The following SOCS2 variants were observed in gnomAD, a reference collection of about 807,000 sequenced individuals.
SOCS2 encodes suppressor of cytokine signaling 2.
In SOCS2, 10 loss-of-function variants were observed where a neutral mutation model predicts 18.6. The observed-to-expected ratio is 0.54, with a 90% CI of 0.33 to 0.91. The LOEUF (loss-of-function observed/expected upper bound fraction) is 0.91, where lower values mean the gene tolerates loss of function less well. Among genes scored for constraint, SOCS2 ranks in the 40% least tolerant of loss-of-function variants. SOCS2 has a pLI of 0.02. For missense variants in SOCS2, 231 were observed against 247.2 expected, an observed-to-expected ratio of 0.93 and a Z score of 0.44; for synonymous variants, 104 against 104.0, an observed-to-expected ratio of 1.00 and a Z score of 0.00.
At chr12:93,590,776 T>A in the SOCS2 span, among the ~76,000 whole-genome samples, 1 of 74,990 alleles carries the variant, frequency 1.3e-5, no homozygotes, top group Non-Finnish European at 2.2e-5. Flanking sequence ...AGAGCAAGAC[T>A]CCGCCTCAAA....
chr12:93,595,160 C>T, the SOCS2 span, among the ~76,000 whole-genome samples: 11 of 152,016 alleles, frequency 7.2e-5, no homozygotes, highest in Non-Finnish European at 8.8e-5. Context: ...GAGTCTTACT[C>T]GTTACTGAAA....
the SOCS2 span, among the ~76,000 whole-genome samples, chr12:93,592,581 C>T: frequency 6.6e-6 from 1 of 152,166 alleles, no homozygotes; most frequent in African/African-American, 2.4e-5. Context: ...ATCACATTCC[C>T]AAAAGGTTGT....
the SOCS2 span, among the ~76,000 whole-genome samples, chr12:93,618,393 A>C: frequency 3.3e-5 from 5 of 152,118 alleles, no homozygotes; most frequent in Non-Finnish European, 5.9e-5. Flanking sequence ...CCTTTCCCCC[A>C]GGCCTCCCAC....
At chr12:93,572,492 T>C (rs1295123221), upstream of SOCS2, 4 of 374,378 alleles carry the variant, frequency 1.1e-5, no homozygotes, top group African/African-American at 8.4e-5. This position sits in a 1 kb window ranked among gnomAD's most constrained non-coding sequence, Gnocchi z 5.0. Flanking sequence ...CAGCCAACTT[T>C]ATCTTGGATC....
chr12:93,572,619 C>T (rs150978475), upstream of SOCS2: 9 of 651,616 alleles, frequency 1.4e-5, no homozygotes, highest in African/African-American at 1.6e-4. The surrounding 1 kb of genome is among the most constrained non-coding windows in gnomAD (Gnocchi z 5.0). Context: ...CGTCTATTTC[C>T]CCACCCCCAC....
chr12:93,599,388 C>G, the SOCS2 span, among the ~76,000 whole-genome samples: 30 of 152,034 alleles, frequency 2.0e-4, 1 homozygote, highest in Non-Finnish European at 3.7e-4. Flanking sequence ...TCTTGAATTC[C>G]TGGCCTCAAG....
At chr12:93,614,289 A>G in the SOCS2 span, among the ~76,000 whole-genome samples, 3 of 152,190 alleles carry the variant, frequency 2.0e-5, no homozygotes, top group Non-Finnish European at 2.9e-5. Flanking sequence ...AATTTACACC[A>G]TTAGGAATAA....
chr12:93,604,884 C>T, the SOCS2 span, among the ~76,000 whole-genome samples: 1 of 151,776 alleles, frequency 6.6e-6, no homozygotes, highest in Non-Finnish European at 1.5e-5. Context: ...TGGTGTCAAA[C>T]TCCTGGTTTC....
the SOCS2 span, among the ~76,000 whole-genome samples, chr12:93,590,250 T>G: frequency 6.6e-6 from 1 of 151,024 alleles, no homozygotes; most frequent in Non-Finnish European, 1.5e-5. Flanking sequence ...AAAAAAAGAA[T>G]AAGCAAGTAC....
At chr12:93,600,311 T>G in the SOCS2 span, among the ~76,000 whole-genome samples, 1 of 152,190 alleles carries the variant, frequency 6.6e-6, no homozygotes, top group Non-Finnish European at 1.5e-5. Context: ...TGGGTCTGTT[T>G]ATGAGCTCAC....
the SOCS2 span, among the ~76,000 whole-genome samples, chr12:93,597,008 A>T: frequency 1.3e-5 from 2 of 152,314 alleles, no homozygotes; most frequent in East Asian, 3.9e-4. Flanking sequence ...TAAAAATTTC[A>T]AAAGAATTAT....
chr12:93,608,180 T>TC, the SOCS2 span, among the ~76,000 whole-genome samples: 1 of 151,374 alleles, frequency 6.6e-6, no homozygotes, highest in African/African-American at 2.4e-5. Flanking sequence ...GTTTTTTTTT[T>TC]GGTAATGACA....
At chr12:93,606,313 A>G in the SOCS2 span, among the ~76,000 whole-genome samples, 22 of 152,290 alleles carry the variant, frequency 1.4e-4, no homozygotes, top group African/African-American at 4.8e-4. Context: ...GGGCCACTAG[A>G]AGTGCCACAA....
downstream of SOCS2, among the ~76,000 whole-genome samples, chr12:93,580,764 G>T (rs1285575883): frequency 6.6e-6 from 1 of 151,920 alleles, no homozygotes; most frequent in African/African-American, 2.4e-5. Context: ...AGCATAGCTT[G>T]TTTCTCTTCA....
At chr12:93,590,790 A>T in the SOCS2 span, among the ~76,000 whole-genome samples, 1 of 72,990 alleles carries the variant, frequency 1.4e-5, no homozygotes, top group African/African-American at 5.3e-5. Context: ...CCTCAAAAAA[A>T]AAAAAAAAAA....
the SOCS2 span, among the ~76,000 whole-genome samples, chr12:93,614,480 T>TTCCC: frequency 6.0e-3 from 157 of 26,154 alleles, 12 homozygotes; most frequent in Middle Eastern, 0.022. Flanking sequence ...CCTTCCTTCC[T>TTCCC]TTCCTTCCTT....
chr12:93,603,217 A>C, the SOCS2 span, among the ~76,000 whole-genome samples: 1 of 152,378 alleles, frequency 6.6e-6, no homozygotes, highest in Admixed American at 6.5e-5. Context: ...CTGTGGCAAC[A>C]ACAATCTTAA....
At chr12:93,609,630 GATAAA>G in the SOCS2 span, among the ~76,000 whole-genome samples, 2 of 151,924 alleles carry the variant, frequency 1.3e-5, no homozygotes, top group Non-Finnish European at 2.9e-5. Flanking sequence ...TAAGATCAGA[GATAAA>G]ATAGAGAGCA....
At chr12:93,582,597 G>A (rs769216363) in intron 1 of SOCS2, among the ~76,000 whole-genome samples, 3 of 152,190 alleles carry the variant, frequency 2.0e-5, no homozygotes, top group African/African-American at 4.8e-5. Context: ...CAGATTGCAC[G>A]CTTCCCTTTG....
Sources: gnomAD v4.1 joint callset for allele counts (sites outside exome capture counted in the v4.1 genomes callset) on GRCh38, gnomAD v4.1.1 for gene constraint, Gnocchi (gnomAD v3.1) non-coding constraint, MANE v1.5 for transcripts, NCBI Gene and HGNC (gene_info 2026-07-23, HGNC 2026-07-21) for gene names.